Variants in YWHAZ observed in about 807,000 individuals in gnomAD.
YWHAZ encodes the protein tyrosine 3-monooxygenase/tryptophan 5-monooxygenase activation protein zeta.
For synonymous variants in YWHAZ, 87 were observed against 103.6 expected (o/e 0.84, Z 0.97); for missense variants, 79 against 284.8 (o/e 0.28, Z 5.20).
intron 2 of YWHAZ, among the ~76,000 whole-genome samples, chr8:100,929,290 C>T (rs1042328425): frequency 4.6e-5 from 7 of 151,466 alleles, no homozygotes; most frequent in Non-Finnish European, 8.8e-5. Context: ...ACCTCCTCCT[C>T]CTGAGTTCAA....
rs186372941 is a variant in YWHAZ, at chr8:100,921,489, A to C, written c.679-737T>G. Among the ~76,000 whole-genome samples the C allele has an allele frequency of 5.3e-4, 80 of 152,330 alleles. 1 individual carries two copies. Among genetic ancestry groups the C allele is most frequent in the Admixed American group, 5.2e-3 (79 of 15,304 alleles). On this transcript the variant is annotated intron_variant, in intron 5 of 5. Transcript: ENST00000395958. ...TGACTACTCTCCACTGGTAGATCTT[A>C]AAGTGACTCACACTCCAAACAGAAT...
At chr8:100,942,125 G>T (rs1200517298) in intron 2 of YWHAZ, among the ~76,000 whole-genome samples, 1 of 152,196 alleles carries the variant, frequency 6.6e-6, no homozygotes, top group African/African-American at 2.4e-5. Context: ...CTTACATGCT[G>T]AAACTTTTTA....
chr8:100,949,718 A>C (rs1258508427), intron 1 of YWHAZ, among the ~76,000 whole-genome samples: 1 of 152,242 alleles, frequency 6.6e-6, no homozygotes, highest in Non-Finnish European at 1.5e-5. Context: ...GTTGAAATGC[A>C]GAAGTGCTGC....
intron 2 of YWHAZ, chr8:100,932,203 AAAG>A (rs1189654102): frequency 6.6e-6 from 1 of 152,226 alleles, no homozygotes; most frequent in Non-Finnish European, 1.5e-5. Context: ...AGTAAGCAAC[AAAG>A]AAGTGCTGCC....
chr8:100,935,534 T>C lies in YWHAZ; in HGVS notation c.295-10495A>G, dbSNP rs148614774. On this transcript the variant is annotated intron_variant, in intron 2 of 5. Coordinates refer to ENST00000395958, the MANE Select transcript of YWHAZ (RefSeq NM_145690.3). ...TCTACTTCTCTGAAAACCTAAGAGA[T>C]TGCTCATTTAAAATATGTGAGTGCT... 9.2e-5 allele frequency among the ~76,000 whole-genome samples: 14 copies of C among 152,198 alleles called. No homozygotes were observed. In the East Asian group the frequency reaches 2.7e-3, roughly 29 times the overall value.
chr8:100,950,498 C>T (rs1179118814), intron 1 of YWHAZ: 3 of 985,496 alleles, frequency 3.0e-6, no homozygotes, highest in African/African-American at 3.5e-5. Flanking sequence ...AACCACCCCC[C>T]TCCAGGCTCC....
intron 2 of YWHAZ, among the ~76,000 whole-genome samples, chr8:100,947,379 T>G (rs913868690): frequency 6.6e-6 from 1 of 151,938 alleles, no homozygotes. Context: ...TAGATACAAA[T>G]AGTAGCTATC....
chr8:100,920,631 T>G lies in YWHAZ; in HGVS notation c.*62A>C. On this transcript the variant is annotated 3_prime_UTR_variant, in exon 6 of 6. Coordinates refer to ENST00000395958, the MANE Select transcript of YWHAZ (RefSeq NM_145690.3). ...ACAAAAAACTATTTGTGGGACAGCA[T>G]GGATGACAAATGGTCTACTGTGTAA... 1 of 1,325,062 alleles carries G rather than the reference T, an allele frequency of 7.5e-7. No individual in the cohort carries two copies. Among genetic ancestry groups the G allele is most frequent in the African/African-American group, 1.4e-5 (1 of 69,698 alleles). The allele number at this position is 1,325,062 out of a possible 1,614,324, so 82.1% of individuals were successfully genotyped here.
In YWHAZ at chr8:100,918,440, AT is replaced by A. The variant is rs1563661958; in HGVS notation, c.*2252del. 51 of 113,660 alleles carry A rather than the reference AT, an allele frequency of 4.5e-4. No homozygotes were observed. The highest frequency in any genetic ancestry group is 1.6e-3 in the African/African-American group (47 of 29,390). The allele number at this position is 113,660 out of a possible 1,614,324, so 7.0% of individuals were successfully genotyped here. A position where few individuals can be genotyped will look rare whatever the true frequency, so the allele number is the denominator to read the frequency against. On this transcript the variant is annotated 3_prime_UTR_variant, in exon 6 of 6. Coordinates refer to ENST00000395958, the MANE Select transcript of YWHAZ (RefSeq NM_145690.3). ...TATATATATATATATATATATATATATATAATTATTTTACCTCCTTGGCTTG... is the reference window on the plus strand; with the variant it reads ...TATATATATATATATATATATATATAATAATTATTTTACCTCCTTGGCTTG...
intron 2 of YWHAZ, among the ~76,000 whole-genome samples, chr8:100,947,441 C>T (rs1047760611): frequency 4.6e-5 from 7 of 151,980 alleles, no homozygotes; most frequent in Non-Finnish European, 2.9e-5. Context: ...AAGACAGATG[C>T]CTCATTGAGT....
chr8:100,950,112 ATAAT>A (rs1394745504), intron 1 of YWHAZ, among the ~76,000 whole-genome samples: 1 of 152,236 alleles, frequency 6.6e-6, no homozygotes, highest in Non-Finnish European at 1.5e-5. Context: ...TTTTAAACAA[ATAAT>A]TAACCACTTT....
chr8:100,951,185 C>A (rs1181281454), intron 1 of YWHAZ: 7 of 985,338 alleles, frequency 7.1e-6, no homozygotes, highest in Non-Finnish European at 8.4e-6. Context: ...CAAAACCTCA[C>A]CCCGCAGTGG....
At chr8:100,925,094 G>A in intron 2 of YWHAZ, 55 bp from the exon 3 acceptor site, 1 of 1,539,116 alleles carries the variant, frequency 6.5e-7, no homozygotes, top group African/African-American at 1.4e-5. Context: ...AAAACTGAAA[G>A]AACTTGCATT....
At chr8:100,947,771 T>G (rs2130355497) in intron 2 of YWHAZ, among the ~76,000 whole-genome samples, 1 of 152,304 alleles carries the variant, frequency 6.6e-6, no homozygotes, top group Admixed American at 6.5e-5. Flanking sequence ...TGCCCCTCTT[T>G]GTATATCAGA....
chr8:100,953,026 C>T (rs1341965231), upstream of YWHAZ: 50 of 999,714 alleles, frequency 5.0e-5, no homozygotes, highest in Non-Finnish European at 5.9e-5. Context: ...GCGAGGTGGG[C>T]CGGGCCGGGC....
chr8:100,935,130 G>A (rs999720641), intron 2 of YWHAZ: 1 of 152,152 alleles, frequency 6.6e-6, no homozygotes, highest in African/African-American at 2.4e-5. Context: ...GCACTCCAAT[G>A]AGTTAGACTC....
intron 2 of YWHAZ, among the ~76,000 whole-genome samples, chr8:100,946,397 AAAATTAGCTGGGCGTGCTGGT>A (rs1376950092): frequency 6.6e-6 from 1 of 152,142 alleles, no homozygotes; most frequent in Non-Finnish European, 1.5e-5. Flanking sequence ...TAAAAGTACA[AAAATTAGCTGGGCGTGCTGGT>A]GCACGCCCAG....
At chr8:100,947,510 T>C (rs1398626274) in intron 2 of YWHAZ, among the ~76,000 whole-genome samples, 1 of 152,158 alleles carries the variant, frequency 6.6e-6, no homozygotes, top group Non-Finnish European at 1.5e-5. Flanking sequence ...AAAAAGACAG[T>C]GTCAAGTAAG....
At chr8:100,950,648 C>T in intron 1 of YWHAZ, 1 of 951,602 alleles carries the variant, frequency 1.1e-6, no homozygotes, top group Non-Finnish European at 1.2e-6. Context: ...CGCGCCCCCG[C>T]CCAAGCCGTG....
Sources: gnomAD v4.1 joint callset for allele counts (sites outside exome capture counted in the v4.1 genomes callset) on GRCh38, gnomAD v4.1.1 for gene constraint, MANE v1.5 for transcripts, NCBI Gene and HGNC (gene_info 2026-07-23, HGNC 2026-07-21) for gene names.